SLC45A4: variants seen among roughly 807,000 people sequenced by gnomAD.
SLC45A4 encodes the protein solute carrier family 45 member 4.
In SLC45A4, 32 loss-of-function variants were observed where a neutral mutation model predicts 63.7. The observed-to-expected ratio is 0.50, with a 90% CI of 0.38 to 0.67. SLC45A4 has a LOEUF of 0.67. Among genes scored for constraint, SLC45A4 ranks in the 30% least tolerant of loss-of-function variants. The pLI, the probability that SLC45A4 is intolerant of heterozygous loss-of-function variation, is 0.00. For synonymous variants in SLC45A4, 535 were observed against 510.0 expected (o/e 1.05, Z -0.66); for missense variants, 1,027 against 1,157.7 (o/e 0.89, Z 1.64).
At chr8:141,276,290 G>GT (rs1829724592) in intron 1 of SLC45A4, among the ~76,000 whole-genome samples, 1 of 152,200 alleles carries the variant, frequency 6.6e-6, no homozygotes, top group African/African-American at 2.4e-5. Flanking sequence ...ACAAGTCTGG[G>GT]TAAGTGATAT....
In SLC45A4 at chr8:141,229,266, C is replaced by T. The variant is rs1827210998; in HGVS notation, c.242-7501G>A. On this transcript the variant is annotated intron_variant, in intron 2 of 8. Coordinates refer to ENST00000517878, the MANE Select transcript of SLC45A4 (RefSeq NM_001286646.2). This position sits in a 1 kb window ranked among gnomAD's most constrained non-coding sequence, Gnocchi z 5.0. ...GTGACCACCTAAAACCCACTGCTTG[C>T]ACCTGCCGTGGCGTCCAGGGCCCTC... 1.3e-5 allele frequency among the ~76,000 whole-genome samples: 2 copies of T among 152,202 alleles called. No homozygotes were observed. The highest frequency in any genetic ancestry group is 4.1e-4 in the South Asian group (2 of 4,826).
At chr8:141,295,744 C>T (rs929767123) in intron 1 of SLC45A4, among the ~76,000 whole-genome samples, 3 of 152,212 alleles carry the variant, frequency 2.0e-5, no homozygotes, top group Admixed American at 6.5e-5. Flanking sequence ...AGGCTGGAAG[C>T]ACCTGGGAAG....
rs370113098 is a variant in SLC45A4 at position 141,274,000 on chromosome 8, C to A, written c.-400-19371G>T. 6.9e-4 allele frequency among the ~76,000 whole-genome samples: 104 copies of A among 151,770 alleles called. 1 individual carries two copies. Among genetic ancestry groups the A allele is most frequent in the Non-Finnish European group, 2.1e-4 (14 of 67,972 alleles). ...ATCCCAGCACTTTGGGAGGCCGAGG[C>A]GGGTGGATCATGAGGTCAGAAGATT... is the stretch of plus-strand genomic sequence containing the variant. On this transcript the variant is annotated intron_variant, in intron 1 of 8. Transcript: ENST00000517878.
intron 1 of SLC45A4, among the ~76,000 whole-genome samples, chr8:141,298,045 G>GC (rs201271399): frequency 1 from 152,333 of 152,334 alleles, 76,166 homozygotes; most frequent in Non-Finnish European, 1. Context: ...CTGTGCGACA[G>GC]CCCTGCGGCA....
intron 1 of SLC45A4, among the ~76,000 whole-genome samples, chr8:141,305,986 G>A (rs1289747164): frequency 6.6e-6 from 1 of 152,212 alleles, no homozygotes; most frequent in East Asian, 1.9e-4. Flanking sequence ...AAAGGAGGCA[G>A]AATCCGGTTT....
rs150399899 is a variant in SLC45A4, at chr8:141,271,010, C to T, written c.-400-16381G>A. 3.0e-4 allele frequency among the ~76,000 whole-genome samples: 45 copies of T among 152,306 alleles called. No homozygotes were observed. In the East Asian group the frequency reaches 7.1e-3, roughly 24 times the overall value. ...GCAAATGAAGCGCCTTGGGTGCTAA[C>T]GCCAAGCCAGAGTAAAGGACCTACA... On this transcript the variant is annotated intron_variant, in intron 1 of 8. Transcript: ENST00000517878.
intron 2 of SLC45A4, among the ~76,000 whole-genome samples, chr8:141,233,407 C>T (rs1159024245): frequency 6.6e-6 from 1 of 152,130 alleles, no homozygotes; most frequent in Non-Finnish European, 1.5e-5. Context: ...AAAACACAGC[C>T]AGGTGCGGTG....
intron 1 of SLC45A4, among the ~76,000 whole-genome samples, chr8:141,273,739 T>A (rs1480747003): frequency 4.0e-5 from 6 of 151,880 alleles, no homozygotes; most frequent in Non-Finnish European, 8.8e-5. Flanking sequence ...GGTTTCCAGG[T>A]CCTGAACTTA....
chr8:141,293,825 T>C (rs566170164), intron 1 of SLC45A4, among the ~76,000 whole-genome samples: 2 of 151,676 alleles, frequency 1.3e-5, no homozygotes, highest in East Asian at 3.9e-4. Flanking sequence ...CCCAGCTACT[T>C]GGGAGGCTGA....
rs1825654320 is a variant in SLC45A4 at position 141,208,769 on chromosome 8, G to T, written c.*2803C>A. On this transcript the variant is annotated 3_prime_UTR_variant, in exon 9 of 9. Transcript: ENST00000517878. ...AGGCCGGCCCAGCTGAGAGCTCACGGCCTCTGCCCCTTCCCGCCAGCTCGC... is the reference window on the plus strand; with the variant it reads ...AGGCCGGCCCAGCTGAGAGCTCACGTCCTCTGCCCCTTCCCGCCAGCTCGC... 6.6e-6 allele frequency: 1 copy of T among 152,254 alleles called. No homozygotes were observed. The highest frequency in any genetic ancestry group is 2.4e-5 in the African/African-American group (1 of 41,464). 9.4% of individuals were successfully genotyped at this position (152,254 alleles called of 1,614,324 possible).
intron 8 of SLC45A4, chr8:141,211,992 G>A: frequency 7.7e-7 from 1 of 1,302,840 alleles, no homozygotes; most frequent in Non-Finnish European, 9.7e-7. Context: ...GGTTAGTGTG[G>A]TATTTGCTTA....
rs983950964 is a variant in SLC45A4 at position 141,253,994 on chromosome 8, T to C, written c.236A>G (p.Gln79Arg). 1.3e-6 allele frequency: 2 copies of C among 1,536,112 alleles called. No homozygotes were observed. The highest frequency in any genetic ancestry group is 2.0e-5 in the Admixed American group (1 of 51,004). Residue 79 changes from glutamine (Q) to arginine (R), a missense_variant, in exon 2 of 9, where the codon CAG (glutamine) becomes CGG (arginine). By Grantham distance (43) the Gln-to-Arg change is conservative. Transcript: ENST00000517878. ...ETALVTPILL[Q>R]IGLPEQYYSL... is the part of the protein sequence containing the mutation. ...CAGACGGGGAGGAGACTTACCAATC[T>C]GCAACAGTATTGGTGTGACCAGAGC...
chr8:141,228,257 C>T (rs775531990), intron 2 of SLC45A4: 11 of 1,613,798 alleles, frequency 6.8e-6, no homozygotes, highest in African/African-American at 1.3e-5. Context: ...GCTGGGCTTG[C>T]TTTCCCCATA....
chr8:141,242,072 G>T (rs1046489463), intron 2 of SLC45A4, among the ~76,000 whole-genome samples: 3 of 152,228 alleles, frequency 2.0e-5, no homozygotes. Flanking sequence ...TCCCTGCACA[G>T]ATGAGATGAA....
chr8:141,268,162 G>A (rs1434419288), intron 1 of SLC45A4, among the ~76,000 whole-genome samples: 1 of 152,182 alleles, frequency 6.6e-6, no homozygotes, highest in Non-Finnish European at 1.5e-5. Flanking sequence ...TGCACGAAAA[G>A]ATATGCGGGC....
At position 141,207,231 on chromosome 8, in the gene SLC45A4, G is replaced by A. The variant is rs919276458; in HGVS notation, c.*4341C>T. 2.0e-5 allele frequency: 3 copies of A among 152,468 alleles called. No individual in the cohort carries two copies. Among genetic ancestry groups the A allele is most frequent in the Non-Finnish European group, 4.4e-5 (3 of 68,206 alleles). 9.4% of individuals were successfully genotyped at this position (152,468 alleles called of 1,614,324 possible). A position where few individuals can be genotyped will look rare whatever the true frequency, so the allele number is the denominator to read the frequency against. ...AGGAACAGAGAAACAGACACAAGGA[G>A]GTTCTGTGTGCATGGAGGAAATCAG... is the stretch of plus-strand genomic sequence containing the variant. On this transcript the variant is annotated 3_prime_UTR_variant, in exon 9 of 9. Coordinates refer to ENST00000517878, the MANE Select transcript of SLC45A4 (RefSeq NM_001286646.2).
At chr8:141,257,743 G>C (rs1331065999) in intron 1 of SLC45A4, among the ~76,000 whole-genome samples, 3 of 152,196 alleles carry the variant, frequency 2.0e-5, no homozygotes, top group Non-Finnish European at 2.9e-5. Flanking sequence ...AGGGGGAGGA[G>C]GGGACAGTAC....
At chr8:141,288,980 G>A (rs1193965729) in intron 1 of SLC45A4, among the ~76,000 whole-genome samples, 2 of 144,382 alleles carry the variant, frequency 1.4e-5, no homozygotes, top group African/African-American at 2.4e-5. Context: ...ATCCTTCGGC[G>A]TGGGTGGGAA....
intron 2 of SLC45A4, among the ~76,000 whole-genome samples, chr8:141,231,368 G>T (rs1465084654): frequency 1.3e-5 from 2 of 152,208 alleles, no homozygotes; most frequent in African/African-American, 4.8e-5. Flanking sequence ...GGTGGGGGGA[G>T]GACCATGAGG....
Sources: allele counts gnomAD v4.1 joint callset (sites outside exome capture counted in the v4.1 genomes callset), GRCh38; gene constraint gnomAD v4.1.1; non-coding constraint Gnocchi (gnomAD v3.1); transcripts MANE v1.5; gene names NCBI Gene and HGNC (gene_info 2026-07-23, HGNC 2026-07-21).